The following ABCG2 variants were observed in gnomAD, a reference collection of about 807,000 sequenced individuals.
ABCG2 encodes broad substrate specificity ATP-binding cassette transporter ABCG2.
In ABCG2, 80 loss-of-function variants were observed where a neutral mutation model predicts 73.5. The observed-to-expected ratio is 1.09, with a 90% CI of 0.91 to 1.31. The LOEUF (loss-of-function observed/expected upper bound fraction) is 1.31. Ranked by LOEUF, ABCG2 falls within the 50% of genes most tolerant of loss-of-function variation. The pLI is 0.00. For synonymous variants in ABCG2, 269 were observed against 282.4 expected, an observed-to-expected ratio of 0.95 and a Z score of 0.48; for missense variants, 796 against 786.2, an observed-to-expected ratio of 1.01 and a Z score of -0.15.
At chr4:88,219,351 T>C (rs1226429368) in intron 1 of ABCG2, among the ~76,000 whole-genome samples, 1 of 152,078 alleles carries the variant, frequency 6.6e-6, no homozygotes, top group Non-Finnish European at 1.5e-5. Flanking sequence ...TATATTCCAA[T>C]GGAGAAGACA....
chr4:88,220,475 A>AT (rs1305294157), intron 1 of ABCG2: 1 of 152,204 alleles, frequency 6.6e-6, no homozygotes, highest in African/African-American at 2.4e-5. Context: ...AACAATTGTT[A>AT]TTTTCAATTT....
At chr4:88,148,575 A>T (rs939866573) in intron 1 of ABCG2, among the ~76,000 whole-genome samples, 11 of 152,186 alleles carry the variant, frequency 7.2e-5, no homozygotes, top group Admixed American at 2.0e-4. Context: ...TCCTGATCCT[A>T]CAAGATTTTC....
In ABCG2 at chr4:88,131,182, C is replaced by G. The variant is rs748501399; in HGVS notation, c.410G>C (p.Arg137Thr). 5 of 1,613,998 alleles carry G rather than the reference C, an allele frequency of 3.1e-6. No homozygotes were observed. The highest frequency in any genetic ancestry group is 4.2e-6 in the Non-Finnish European group (5 of 1,179,960). ...DDVVMGTLTV[R>T]ENLQFSAALR... is the part of the protein sequence containing the mutation. ...AGCTGCTGAGAACTGTAAGTTTTCT[C>G]TCACCGTCAGAGTGCCCATCACAAC... Residue 137 changes from arginine to threonine, a missense_variant, in exon 5 of 16, where the codon AGA becomes ACA. Coordinates refer to ENST00000237612, the MANE Select transcript of ABCG2 (RefSeq NM_004827.3).
intron 1 of ABCG2, among the ~76,000 whole-genome samples, chr4:88,153,677 G>A (rs1007991924): frequency 3.3e-5 from 5 of 152,088 alleles, no homozygotes; most frequent in Non-Finnish European, 7.4e-5. Context: ...TCTGACAGAA[G>A]GGAAGATATG....
chr4:88,222,634 G>T (rs536042033), intron 1 of ABCG2, among the ~76,000 whole-genome samples: 1 of 152,102 alleles, frequency 6.6e-6, no homozygotes, highest in African/African-American at 2.4e-5. Context: ...GCCCAGTTTC[G>T]GGTATGTCTT....
chr4:88,125,624 A>AAAAAAC, intron 5 of ABCG2, among the ~76,000 whole-genome samples: 1 of 149,636 alleles, frequency 6.7e-6, no homozygotes, highest in Non-Finnish European at 1.5e-5. Flanking sequence ...AAAAAAAAAA[A>AAAAAAC]AAAAAAAAAA....
At chr4:88,159,342 G>T, upstream of ABCG2, 2 of 386,902 alleles carry the variant, frequency 5.2e-6, no homozygotes, top group Non-Finnish European at 1.0e-5. Context: ...TGGTGAATGG[G>T]ATTCTGAGAA....
At chr4:88,109,505 C>T (rs1204026906) in intron 9 of ABCG2, among the ~76,000 whole-genome samples, 1 of 152,146 alleles carries the variant, frequency 6.6e-6, no homozygotes, top group Admixed American at 6.5e-5. Flanking sequence ...CTGTGTTATT[C>T]TTTCTGGCAT....
In ABCG2 at chr4:88,092,168, T is replaced by C. The variant is rs370090039; in HGVS notation, c.*66A>G. 76 of 1,451,058 alleles carry C rather than the reference T, an allele frequency of 5.2e-5. No homozygotes were observed. The South Asian group carries it at 6.7e-4, about 13-fold the overall frequency. The allele number at this position is 1,451,058 out of a possible 1,614,324, so 89.9% of individuals were successfully genotyped here. Reference sequence around the variant, plus strand: ...AACAGAAAACAACAAAAAAACTTGATTGAATACTTCAATCAAAGTGCTTCT... The same window carrying C: ...AACAGAAAACAACAAAAAAACTTGACTGAATACTTCAATCAAAGTGCTTCT... On this transcript the variant is annotated 3_prime_UTR_variant, in exon 16 of 16. Coordinates refer to ENST00000237612, the MANE Select transcript of ABCG2 (RefSeq NM_004827.3).
At chr4:88,117,674 G>A (rs1421999842) in intron 7 of ABCG2, among the ~76,000 whole-genome samples, 1 of 152,110 alleles carries the variant, frequency 6.6e-6, no homozygotes, top group East Asian at 1.9e-4. Context: ...GCATTTCCAT[G>A]AGTGCTCATC....
intron 1 of ABCG2, among the ~76,000 whole-genome samples, chr4:88,199,051 C>A (rs916261944): frequency 1.1e-4 from 17 of 152,192 alleles, no homozygotes; most frequent in African/African-American, 3.9e-4. Context: ...TCACTGCAAG[C>A]TCTGCCTCCT....
At chr4:88,097,629 T>C (rs779751579) in intron 12 of ABCG2, 22 bp from the exon 13 acceptor site, 2 of 1,612,392 alleles carry the variant, frequency 1.2e-6, no homozygotes, top group East Asian at 2.2e-5. Flanking sequence ...AGAGAAGAAG[T>C]AGTTAACCCA....
chr4:88,119,667 A>T lies in ABCG2; in HGVS notation c.690-1407T>A, dbSNP rs571111216. ...TTGCCCCTGCCCTAGAGATCTGTGGAACTATGAACTTGAGAGAGATGATTT... is the reference window on the plus strand; with the variant it reads ...TTGCCCCTGCCCTAGAGATCTGTGGTACTATGAACTTGAGAGAGATGATTT... On this transcript the variant is annotated intron_variant, in intron 6 of 15. Transcript: ENST00000237612. Among the ~76,000 whole-genome samples the T allele has an allele frequency of 2.0e-5, 3 of 152,328 alleles. No individual in the cohort carries two copies. In the East Asian group the frequency reaches 5.8e-4, roughly 29 times the overall value.
intron 1 of ABCG2, among the ~76,000 whole-genome samples, chr4:88,191,550 A>G (rs1728694989): frequency 6.7e-6 from 1 of 150,060 alleles, no homozygotes; most frequent in Non-Finnish European, 1.5e-5. Flanking sequence ...ACAGTTTGGC[A>G]GTTTCTTTAA....
intron 1 of ABCG2, among the ~76,000 whole-genome samples, chr4:88,172,020 G>C (rs1455307380): frequency 1.3e-5 from 2 of 152,022 alleles, no homozygotes; most frequent in Admixed American, 6.6e-5. Context: ...ATAAGGCTGG[G>C]TGCGTTGGCT....
chr4:88,151,696 G>A (rs992646784), intron 1 of ABCG2, among the ~76,000 whole-genome samples: 9 of 150,130 alleles, frequency 6.0e-5, no homozygotes, highest in South Asian at 2.1e-4. Flanking sequence ...CCGAGATGGC[G>A]CCACTGCACT....
chr4:88,112,338 C>T (rs1160726509), intron 9 of ABCG2, among the ~76,000 whole-genome samples: 1 of 152,092 alleles, frequency 6.6e-6, no homozygotes, highest in Admixed American at 6.5e-5. Flanking sequence ...CTTGGAGTGG[C>T]CAGCACATAC....
At chr4:88,135,345 A>C (rs1049045879) in intron 2 of ABCG2, among the ~76,000 whole-genome samples, 1 of 152,230 alleles carries the variant, frequency 6.6e-6, no homozygotes, top group Non-Finnish European at 1.5e-5. Context: ...CCTGCCCATG[A>C]CATACAGCAC....
chr4:88,186,719 A>G, intron 1 of ABCG2, among the ~76,000 whole-genome samples: 1 of 151,424 alleles, frequency 6.6e-6, no homozygotes, highest in Non-Finnish European at 1.5e-5. Flanking sequence ...GGAGATCGAG[A>G]CCATCCCGGC....
Sources: gnomAD v4.1 joint callset for allele counts (sites outside exome capture counted in the v4.1 genomes callset) on GRCh38, gnomAD v4.1.1 for gene constraint, MANE v1.5 for transcripts, NCBI Gene and HGNC (gene_info 2026-07-23, HGNC 2026-07-21) for gene names.